Variants in FARS2 observed in about 807,000 individuals in gnomAD.
The protein encoded by FARS2 is phenylalanine--tRNA ligase, mitochondrial.
A neutral mutation model predicts 46.4 loss-of-function variants in FARS2; 40 were observed. The observed-to-expected ratio is 0.86, with a 90% CI of 0.67 to 1.12. The LOEUF (loss-of-function observed/expected upper bound fraction) is 1.12, where lower values mean the gene tolerates loss of function less well. Ranked by LOEUF, FARS2 falls within the 50% of genes most tolerant of loss-of-function variation. FARS2 has a pLI of 0.00. For missense variants in FARS2, 513 were observed against 567.9 expected, an observed-to-expected ratio of 0.90 and a Z score of 0.98; for synonymous variants, 234 against 214.9, an observed-to-expected ratio of 1.09 and a Z score of -0.78.
intron 5 of FARS2, among the ~76,000 whole-genome samples, chr6:5,605,325 G>T (rs2064106): frequency 6.6e-6 from 1 of 151,986 alleles, no homozygotes; most frequent in Non-Finnish European, 1.5e-5. Flanking sequence ...GCTTGAAAGC[G>T]GGCAGGGTAG....
At chr6:5,280,779 C>T (rs1394898999) in intron 1 of FARS2, among the ~76,000 whole-genome samples, 1 of 151,760 alleles carries the variant, frequency 6.6e-6, no homozygotes, top group Admixed American at 6.6e-5. Flanking sequence ...CCTTCGCAGC[C>T]TCAGAAAGTA....
chr6:5,489,285 C>A (rs887610884), intron 4 of FARS2, among the ~76,000 whole-genome samples: 1 of 152,056 alleles, frequency 6.6e-6, no homozygotes, highest in East Asian at 1.9e-4. Flanking sequence ...GAAACGCCGT[C>A]TCTGCTAAAA....
chr6:5,429,364 C>A (rs1364001552), intron 3 of FARS2, among the ~76,000 whole-genome samples: 1 of 152,168 alleles, frequency 6.6e-6, no homozygotes. Context: ...GCAATTAAAA[C>A]AAATCAATTA....
At chr6:5,538,961 CCATAAGCTTTGACA>C (rs1174167843) in intron 4 of FARS2, among the ~76,000 whole-genome samples, 2 of 152,108 alleles carry the variant, frequency 1.3e-5, no homozygotes, top group Non-Finnish European at 2.9e-5. Context: ...AGGGTCTGGT[CCATAAGCTTTGACA>C]CACAGGTGGT....
intron 3 of FARS2, among the ~76,000 whole-genome samples, chr6:5,405,058 A>G (rs927410827): frequency 1.3e-5 from 2 of 152,002 alleles, no homozygotes; most frequent in Non-Finnish European, 2.9e-5. Flanking sequence ...CGGCCTCCCA[A>G]AGTGTTGGGA....
intron 4 of FARS2, among the ~76,000 whole-genome samples, chr6:5,501,770 C>A (rs963263712): frequency 2.0e-5 from 3 of 152,306 alleles, no homozygotes; most frequent in South Asian, 2.1e-4. Flanking sequence ...GCTGGGATTA[C>A]AGGTGTGAGC....
intron 1 of FARS2, among the ~76,000 whole-genome samples, chr6:5,341,121 C>G (rs1219693449): frequency 1.4e-5 from 2 of 142,344 alleles, no homozygotes; most frequent in East Asian, 4.0e-4. Context: ...GCATTCCAGC[C>G]TGGGCGACAG....
chr6:5,315,463 T>C (rs1395836082), intron 1 of FARS2, among the ~76,000 whole-genome samples: 1 of 152,178 alleles, frequency 6.6e-6, no homozygotes, highest in Admixed American at 6.5e-5. Context: ...TAAACTGTAA[T>C]GAAATTCACC....
At chr6:5,479,082 C>T (rs900058108) in intron 4 of FARS2, among the ~76,000 whole-genome samples, 9 of 152,310 alleles carry the variant, frequency 5.9e-5, no homozygotes, top group Non-Finnish European at 1.2e-4. Flanking sequence ...GGGGTGAACC[C>T]GTGAATCTGT....
At chr6:5,256,490 GGAAAAAAAAAAAAAAAA>G (rs1354609605), upstream of FARS2, among the ~76,000 whole-genome samples, 318 of 37,498 alleles carry the variant, frequency 8.5e-3, 13 homozygotes, top group Admixed American at 0.022. Flanking sequence ...GATTTCAACT[GGAAAAAAAAAAAAAAAA>G]AAAAAAAAAA....
intron 1 of FARS2, among the ~76,000 whole-genome samples, chr6:5,290,672 C>A (rs1354409444): frequency 2.6e-5 from 4 of 152,118 alleles, no homozygotes; most frequent in African/African-American, 9.7e-5. Flanking sequence ...CCCTTTTATC[C>A]CCCTGGGGGT....
chr6:5,288,007 T>G (rs935295499), intron 1 of FARS2, among the ~76,000 whole-genome samples: 3 of 152,220 alleles, frequency 2.0e-5, no homozygotes, highest in African/African-American at 7.2e-5. Flanking sequence ...TTCCTCTCCC[T>G]TCTGTCATCT....
At chr6:5,669,804 C>T (rs1451809207) in intron 6 of FARS2, among the ~76,000 whole-genome samples, 3 of 152,054 alleles carry the variant, frequency 2.0e-5, no homozygotes, top group South Asian at 4.2e-4. Flanking sequence ...GAGCCTTGTC[C>T]GGAGTTGGGC....
intron 4 of FARS2, among the ~76,000 whole-genome samples, chr6:5,533,439 A>C (rs997669325): frequency 1.1e-4 from 16 of 152,192 alleles, no homozygotes; most frequent in Admixed American, 4.6e-4. Context: ...GTAAACTAAA[A>C]AGTGGGAAAA....
At chr6:5,497,360 C>T (rs888893437) in intron 4 of FARS2, among the ~76,000 whole-genome samples, 1 of 152,160 alleles carries the variant, frequency 6.6e-6, no homozygotes, top group Non-Finnish European at 1.5e-5. Flanking sequence ...GGGCCAGCAT[C>T]GTTGCAACTC....
the FARS2 span, among the ~76,000 whole-genome samples, chr6:5,251,577 G>A: frequency 5.9e-5 from 9 of 152,158 alleles, no homozygotes; most frequent in African/African-American, 2.2e-4. Context: ...GATCTCATGA[G>A]AACTCACTCA....
intron 4 of FARS2, among the ~76,000 whole-genome samples, chr6:5,460,762 G>A (rs114148049): frequency 0.023 from 3,443 of 152,286 alleles, 141 homozygotes; most frequent in African/African-American, 0.079. Flanking sequence ...AACGAGCCAA[G>A]CTGCAGAATG....
Position 5,764,905 on chromosome 6 carries a change from T to C in FARS2, c.1218-6386T>C, listed in dbSNP as rs889711284. Reference sequence around the variant, plus strand: ...TTGAGAGTTCTTTAGAAAATCTCCTTCTTGGCACACTTTGAACTGGAGAGC... The same window carrying C: ...TTGAGAGTTCTTTAGAAAATCTCCTCCTTGGCACACTTTGAACTGGAGAGC... On this transcript the variant is annotated intron_variant, in intron 6 of 6. Coordinates refer to ENST00000274680, the MANE Select transcript of FARS2 (RefSeq NM_006567.5). The surrounding 1 kb of genome is among the most constrained non-coding windows in gnomAD (Gnocchi z 4.1). 2.0e-5 allele frequency among the ~76,000 whole-genome samples: 3 copies of C among 152,220 alleles called. No homozygotes were observed. The highest frequency in any genetic ancestry group is 7.2e-5 in the African/African-American group (3 of 41,444).
At chr6:5,269,377 T>C (rs568912144) in intron 1 of FARS2, among the ~76,000 whole-genome samples, 6 of 150,146 alleles carry the variant, frequency 4.0e-5, no homozygotes, top group South Asian at 4.2e-4. Flanking sequence ...TTAGGAGATA[T>C]ACCTAATGCC....
Sources: gnomAD v4.1 joint callset for allele counts (sites outside exome capture counted in the v4.1 genomes callset) on GRCh38, gnomAD v4.1.1 for gene constraint, Gnocchi (gnomAD v3.1) non-coding constraint, MANE v1.5 for transcripts, NCBI Gene and HGNC (gene_info 2026-07-23, HGNC 2026-07-21) for gene names.